Variants in PPARG observed in about 807,000 individuals in gnomAD.
PPARG encodes the protein peroxisome proliferator activated receptor gamma.
Under a neutral mutation model 39.2 loss-of-function variants are expected in PPARG, and 17 were observed. The observed-to-expected ratio is 0.43, with a 90% CI of 0.30 to 0.65. The LOEUF (loss-of-function observed/expected upper bound fraction) is 0.65. Ranked by LOEUF, PPARG falls within the 30% of genes least tolerant of loss-of-function variation. The probability of loss-of-function intolerance (pLI) is 0.13; values close to 1 mark genes in which losing one functional copy is unlikely to be tolerated. For missense variants in PPARG, 406 were observed against 585.9 expected (o/e 0.69, Z 3.17); for synonymous variants, 223 against 215.7 (o/e 1.03, Z -0.30).
intron 2 of PPARG, among the ~76,000 whole-genome samples, chr3:12,373,939 T>C (rs2049312805): frequency 1.3e-5 from 2 of 152,166 alleles, no homozygotes. Flanking sequence ...AGGAAGAAGA[T>C]ACAGCAGCCT....
At chr3:12,352,968 C>A (rs552256271) in intron 2 of PPARG, among the ~76,000 whole-genome samples, 1 of 152,248 alleles carries the variant, frequency 6.6e-6, no homozygotes, top group South Asian at 2.1e-4. Flanking sequence ...TGAAATAGTT[C>A]TTGAGTCAAA....
At chr3:12,315,800 G>A (rs951468051) in intron 2 of PPARG, among the ~76,000 whole-genome samples, 3 of 152,074 alleles carry the variant, frequency 2.0e-5, no homozygotes, top group Non-Finnish European at 2.9e-5. Context: ...CTGCCTCCTC[G>A]GGAACCACAT....
intron 1 of PPARG, among the ~76,000 whole-genome samples, chr3:12,310,458 C>CTTTTTTT (rs1204347882): frequency 8.6e-5 from 6 of 69,904 alleles, no homozygotes; most frequent in Non-Finnish European, 1.1e-4. Flanking sequence ...TATTTGAGCC[C>CTTTTTTT]TTTTTTTTTT....
At chr3:12,364,213 T>A (rs1340186703) in intron 2 of PPARG, among the ~76,000 whole-genome samples, 4 of 152,220 alleles carry the variant, frequency 2.6e-5, no homozygotes, top group Non-Finnish European at 5.9e-5. Flanking sequence ...CACCTGTTCA[T>A]TCCGTTCTCC....
chr3:12,291,812 C>T (rs988167639), intron 1 of PPARG, among the ~76,000 whole-genome samples: 9 of 152,162 alleles, frequency 5.9e-5, no homozygotes, highest in African/African-American at 1.9e-4. Flanking sequence ...ACATTTTCAA[C>T]TGTTTCAATT....
chr3:12,391,366 C>G (rs1230814575), intron 4 of PPARG, among the ~76,000 whole-genome samples: 2 of 152,012 alleles, frequency 1.3e-5, no homozygotes, highest in Admixed American at 6.6e-5. Flanking sequence ...ATCAAGAGTT[C>G]CAGAAGAGAG....
At chr3:12,354,569 C>T (rs992005905) in intron 2 of PPARG, among the ~76,000 whole-genome samples, 11 of 151,740 alleles carry the variant, frequency 7.2e-5, no homozygotes, top group African/African-American at 2.4e-4. Flanking sequence ...CTGGCTAACA[C>T]GATGAAACCC....
At chr3:12,392,905 T>C (rs1016662573) in intron 5 of PPARG, among the ~76,000 whole-genome samples, 153 bp downstream of exon 5, 4 of 152,216 alleles carry the variant, frequency 2.6e-5, no homozygotes, top group African/African-American at 9.6e-5. Flanking sequence ...CTCTTTTAGG[T>C]CAGTGTTTTT....
At chr3:12,412,923 G>C (rs921570613) in intron 6 of PPARG, among the ~76,000 whole-genome samples, 1 of 152,106 alleles carries the variant, frequency 6.6e-6, no homozygotes, top group Admixed American at 6.6e-5. Flanking sequence ...TACACTGTTA[G>C]CCCCCAACTA....
intron 2 of PPARG, among the ~76,000 whole-genome samples, chr3:12,359,709 C>T (rs1027573489): frequency 1.6e-4 from 22 of 139,888 alleles, no homozygotes; most frequent in Non-Finnish European, 3.2e-4. Context: ...GAGTCTCACT[C>T]TGTCACCCAG....
intron 2 of PPARG, among the ~76,000 whole-genome samples, chr3:12,377,192 T>C (rs1475124500): frequency 6.6e-6 from 1 of 152,200 alleles, no homozygotes; most frequent in East Asian, 1.9e-4. Context: ...GTGGCATACA[T>C]GATATTGGGC....
At chr3:12,304,600 A>G (rs1203051813) in intron 1 of PPARG, among the ~76,000 whole-genome samples, 1 of 152,208 alleles carries the variant, frequency 6.6e-6, no homozygotes, top group African/African-American at 2.4e-5. Flanking sequence ...AAAATAGCCA[A>G]TTTTCATTAT....
At chr3:12,337,359 T>G (rs2048042339) in intron 2 of PPARG, among the ~76,000 whole-genome samples, 1 of 152,168 alleles carries the variant, frequency 6.6e-6, no homozygotes, top group African/African-American at 2.4e-5. Context: ...GAGTAGAACT[T>G]ATGTGTTAGG....
At chr3:12,412,700 T>A (rs2050917708) in intron 6 of PPARG, among the ~76,000 whole-genome samples, 1 of 152,172 alleles carries the variant, frequency 6.6e-6, no homozygotes, top group South Asian at 2.1e-4. Flanking sequence ...GGCCCTTCCC[T>A]TGTGCAGAAG....
chr3:12,337,611 C>T (rs1229470352), intron 2 of PPARG, among the ~76,000 whole-genome samples: 2 of 152,122 alleles, frequency 1.3e-5, no homozygotes, highest in Non-Finnish European at 2.9e-5. Flanking sequence ...AGAGCTGTTG[C>T]GACTTGCCTG....
intron 2 of PPARG, among the ~76,000 whole-genome samples, chr3:12,355,851 T>C (rs1349751867): frequency 6.6e-6 from 1 of 152,222 alleles, no homozygotes. Flanking sequence ...AAATTGGTTA[T>C]TAAATGAAAA....
intron 7 of PPARG, among the ~76,000 whole-genome samples, chr3:12,427,757 CTT>C: frequency 6.6e-6 from 1 of 152,166 alleles, no homozygotes; most frequent in South Asian, 2.1e-4. Context: ...ATAAAGGAAA[CTT>C]GAGAGGAAGC....
intron 1 of PPARG, among the ~76,000 whole-genome samples, chr3:12,301,362 G>A (rs12631819): frequency 2.0e-5 from 3 of 152,018 alleles, no homozygotes; most frequent in Non-Finnish European, 4.4e-5. Context: ...AAATAAAACT[G>A]GTTCTCTTCT....
intron 1 of PPARG, among the ~76,000 whole-genome samples, chr3:12,310,247 A>G (rs12629293): frequency 0.25 from 38,278 of 151,994 alleles, 4,939 homozygotes; most frequent in East Asian, 0.33. Context: ...CTACACACTA[A>G]GAATAGATAC....
Sources: allele counts gnomAD v4.1 joint callset (sites outside exome capture counted in the v4.1 genomes callset), GRCh38; gene constraint gnomAD v4.1.1; transcripts MANE v1.5; gene names NCBI Gene and HGNC (gene_info 2026-07-23, HGNC 2026-07-21).